The following LRRK2 variants were observed in gnomAD, a reference collection of about 807,000 sequenced individuals.
The protein encoded by LRRK2 is leucine rich repeat kinase 2.
LRRK2 carries 203 observed loss-of-function variants against 302.6 expected under a neutral mutation model. That is an observed-to-expected ratio of 0.67 (90% CI 0.60 to 0.75). The LOEUF (loss-of-function observed/expected upper bound fraction) is 0.75. Among genes scored for constraint, LRRK2 ranks in the 30% least tolerant of loss-of-function variants. The pLI, the probability that LRRK2 is intolerant of heterozygous loss-of-function variation, is 0.00. For synonymous variants in LRRK2, 1,066 were observed against 1,031.9 expected, an observed-to-expected ratio of 1.03 and a Z score of -0.63; for missense variants, 2,830 against 2,951.0, an observed-to-expected ratio of 0.96 and a Z score of 0.95.
intron 4 of LRRK2, 134 bp from the exon 5 acceptor site, chr12:40,237,823 CAACAAACAAACA>C (rs58016929): frequency 9.3e-6 from 7 of 753,052 alleles, no homozygotes; most frequent in East Asian, 5.2e-5. Context: ...AGTAGTTTAT[CAACAAACAAACA>C]AACAAACAAA....
chr12:40,276,254 A>G (rs4628750), intron 16 of LRRK2, among the ~76,000 whole-genome samples: 5,008 of 152,192 alleles, frequency 0.033, 229 homozygotes, highest in South Asian at 0.12. Flanking sequence ...GAGTTTATGA[A>G]CTAAATCTGG....
intron 16 of LRRK2, among the ~76,000 whole-genome samples, chr12:40,276,281 AT>A: frequency 6.6e-6 from 1 of 152,050 alleles, no homozygotes; most frequent in East Asian, 1.9e-4. Flanking sequence ...AACATATTTT[AT>A]TTGTCCAGTT....
intron 47 of LRRK2, 88 bp from the exon 48 acceptor site, chr12:40,363,314 A>ATGCC: frequency 7.8e-7 from 1 of 1,283,392 alleles, no homozygotes; most frequent in Non-Finnish European, 1.1e-6. Context: ...GTGTTTTTAC[A>ATGCC]TTAAGAACTA....
In LRRK2 at chr12:40,237,985, G is replaced by A; in HGVS notation, c.453G>A (p.Leu151=). The change falls in exon 5 of 51, where the codon CTG becomes CTA. Residue 151 remains leucine, a synonymous_variant. Coordinates refer to ENST00000298910, the MANE Select transcript of LRRK2 (RefSeq NM_198578.4). ...LLLTSGKITL[L]ILDEESDIFM... is the part of the protein sequence containing the mutation. Reference sequence around the variant, plus strand: ...TTAAAATAGGTAAAATCACCTTGCTGATATTGGATGAAGAAAGTGATATTT... The same window carrying A: ...TTAAAATAGGTAAAATCACCTTGCTAATATTGGATGAAGAAAGTGATATTT... The A allele has an allele frequency of 1.2e-6, 2 of 1,612,008 alleles. No homozygotes were observed. Among genetic ancestry groups the A allele is most frequent in the Non-Finnish European group, 8.5e-7 (1 of 1,178,654 alleles).
At chr12:40,363,702 T>C in intron 48 of LRRK2, 148 bp downstream of exon 48, 2 of 791,226 alleles carry the variant, frequency 2.5e-6, no homozygotes, top group East Asian at 5.5e-5. Flanking sequence ...CTCAGCACCA[T>C]CTTTTCAGAT....
chr12:40,281,189 T>C (rs1029572452), intron 18 of LRRK2, among the ~76,000 whole-genome samples: 1 of 152,200 alleles, frequency 6.6e-6, no homozygotes, highest in Non-Finnish European at 1.5e-5. Context: ...CCAAATACTT[T>C]ACACAATTTA....
At chr12:40,294,470 G>T (rs933435058) in intron 21 of LRRK2, among the ~76,000 whole-genome samples, 1 of 152,056 alleles carries the variant, frequency 6.6e-6, no homozygotes, top group Admixed American at 6.6e-5. Flanking sequence ...TGAAATGAAT[G>T]ACTGTAGTTG....
intron 28 of LRRK2, among the ~76,000 whole-genome samples, chr12:40,307,587 A>G (rs1944868549): frequency 6.6e-6 from 1 of 151,912 alleles, no homozygotes; most frequent in South Asian, 2.1e-4. Context: ...TGCATATGTG[A>G]TATACATGAA....
intron 6 of LRRK2, among the ~76,000 whole-genome samples, chr12:40,241,849 G>A (rs1312551527): frequency 1.3e-5 from 2 of 152,090 alleles, no homozygotes; most frequent in African/African-American, 2.4e-5. Flanking sequence ...AAATCACAAT[G>A]TTTTCTTATC....
rs765295129 is a variant in LRRK2 at position 40,253,032 on chromosome 12, T to TG, written c.1288+17dup. On this transcript the variant is annotated intron_variant, in intron 11 of 50. Transcript: ENST00000298910. ...GAACAAAATGGTAAGCAGTGGGCCA[T>TG]GTTTTCAAATAAAGGGAAACACATT... 9 of 1,521,966 alleles carry TG rather than the reference T, an allele frequency of 5.9e-6. 1 individual carries two copies. In the South Asian group the frequency reaches 1.0e-4, roughly 17 times the overall value. The allele number at this position is 1,521,966 out of a possible 1,614,324, so 94.3% of individuals were successfully genotyped here.
chr12:40,295,302 G>A, intron 22 of LRRK2, 125 bp from the exon 23 acceptor site: 1 of 859,028 alleles, frequency 1.2e-6, no homozygotes, highest in Middle Eastern at 3.4e-4. Context: ...CCATAGTTTG[G>A]TTTTCTACTG....
chr12:40,367,234 C>A, intron 50 of LRRK2, 157 bp downstream of exon 50: 1 of 644,820 alleles, frequency 1.6e-6, no homozygotes, highest in Non-Finnish European at 2.6e-6. Flanking sequence ...CATAAATTTT[C>A]AAAATTACAA....
chr12:40,339,565 C>T (rs1592310403), intron 40 of LRRK2, among the ~76,000 whole-genome samples: 1 of 152,106 alleles, frequency 6.6e-6, no homozygotes, highest in Non-Finnish European at 1.5e-5. Context: ...GAAGGTTGGA[C>T]TTTAATATTA....
chr12:40,318,510 T>C (rs1237740622), intron 33 of LRRK2, among the ~76,000 whole-genome samples: 1 of 152,036 alleles, frequency 6.6e-6, no homozygotes, highest in Non-Finnish European at 1.5e-5. Flanking sequence ...GCCCCTATGA[T>C]ACAGATGAAG....
rs1201491934 is a variant in LRRK2, at chr12:40,277,894, C to G, written c.1948C>G (p.Gln650Glu). 18 of 1,607,166 alleles carry G rather than the reference C, an allele frequency of 1.1e-5. No individual in the cohort carries two copies. The highest frequency in any genetic ancestry group is 1.5e-5 in the Non-Finnish European group (18 of 1,177,906). ...TTTTTTCTTATACTTTTAGGGATTT[C>G]AGACAATCTTAGCAATCCTCAAATT... ...DVAEIQTKGF[Q>E]TILAILKLSA... is the part of the protein sequence containing the mutation. The change falls in exon 17 of 51, where the codon CAG (glutamine) becomes GAG (glutamate). Residue 650 changes from glutamine (Q) to glutamate (E), a missense_variant. Physicochemically the swap from Gln to Glu is conservative, Grantham distance 29. Transcript: ENST00000298910.
chr12:40,313,052 T>C (rs1945088810), intron 31 of LRRK2: 1 of 151,966 alleles, frequency 6.6e-6, no homozygotes, highest in African/African-American at 2.4e-5. Context: ...ACCAAGTTAA[T>C]TTTTTTCTGT....
intron 14 of LRRK2, among the ~76,000 whole-genome samples, chr12:40,268,682 T>C (rs1397417286): frequency 1.3e-5 from 2 of 152,048 alleles, no homozygotes; most frequent in South Asian, 2.1e-4. Context: ...ATATGAGTAA[T>C]CAGGAGAATT....
intron 31 of LRRK2, among the ~76,000 whole-genome samples, chr12:40,311,078 T>C (rs1200847186): frequency 6.6e-6 from 1 of 152,130 alleles, no homozygotes; most frequent in Non-Finnish European, 1.5e-5. Context: ...GAATTCCTGT[T>C]TTATGGACAT....
At chr12:40,310,162 G>A (rs1370174079) in intron 30 of LRRK2, among the ~76,000 whole-genome samples, 1 of 152,050 alleles carries the variant, frequency 6.6e-6, no homozygotes, top group East Asian at 1.9e-4. Context: ...AGATGGGAAA[G>A]GAAAACTATA....
Sources: gnomAD v4.1 joint callset for allele counts (sites outside exome capture counted in the v4.1 genomes callset) on GRCh38, gnomAD v4.1.1 for gene constraint, MANE v1.5 for transcripts, NCBI Gene and HGNC (gene_info 2026-07-23, HGNC 2026-07-21) for gene names.